SUFU: variants seen among roughly 807,000 people sequenced by gnomAD.
SUFU encodes suppressor of fused homolog.
A neutral mutation model predicts 58.9 loss-of-function variants in SUFU; 7 were observed. The observed-to-expected ratio is 0.12, with a 90% CI of 0.07 to 0.22. The LOEUF (loss-of-function observed/expected upper bound fraction) is 0.22. SUFU is among the 10% of genes least tolerant of loss of function. The pLI, the probability that SUFU is intolerant of heterozygous loss-of-function variation, is 1.00. For missense variants in SUFU, 451 were observed against 641.3 expected (o/e 0.70, Z 3.20); for synonymous variants, 232 against 254.8 (o/e 0.91, Z 0.85).
At chr10:102,507,808 C>G (rs574426461) in intron 1 of SUFU, among the ~76,000 whole-genome samples, 2 of 152,180 alleles carry the variant, frequency 1.3e-5, no homozygotes, top group Non-Finnish European at 2.9e-5. Context: ...TGTACTCCAT[C>G]GATGTCCCAG....
rs1447218130 is a variant in SUFU, at chr10:102,631,598, C to G, written c.*1443C>G. 4.3e-6 allele frequency: 1 copy of G among 233,494 alleles called. No homozygotes were observed. The highest frequency in any genetic ancestry group is 8.5e-6 in the Non-Finnish European group (1 of 118,312). 14.5% of individuals were successfully genotyped at this position (233,494 alleles called of 1,614,324 possible). A position where few individuals can be genotyped will look rare whatever the true frequency, so the allele number is the denominator to read the frequency against. ...GACAATGCAGGGCTCCTCATTGCTC[C>G]CATCTGCCTCTGCTGCACACACAGG... is the stretch of plus-strand genomic sequence containing the variant. On this transcript the variant is annotated 3_prime_UTR_variant, in exon 12 of 12. Transcript: ENST00000369902.
chr10:102,573,049 C>T lies in SUFU; in HGVS notation c.455-19533C>T, dbSNP rs771400256. 16 of 838,810 alleles carry T rather than the reference C, an allele frequency of 1.9e-5. No individual in the cohort carries two copies. In the Middle Eastern group the frequency reaches 1.1e-3, roughly 56 times the overall value. The allele number at this position is 838,810 out of a possible 1,614,324, so 52.0% of individuals were successfully genotyped here. On this transcript the variant is annotated intron_variant, in intron 3 of 11. Transcript: ENST00000369902. ...CTCCGGGGTTGGTCTTCTGAGGGTA[C>T]TTGGGCTGCCTCCAGAATCGCAGTG...
intron 2 of SUFU, among the ~76,000 whole-genome samples, chr10:102,530,016 A>G (rs2062658740): frequency 6.6e-6 from 1 of 152,140 alleles, no homozygotes; most frequent in African/African-American, 2.4e-5. Flanking sequence ...TAGGTGCCAG[A>G]CACTGTGCTG....
intron 8 of SUFU, among the ~76,000 whole-genome samples, chr10:102,609,900 CA>C (rs1156739648): frequency 6.6e-6 from 1 of 152,188 alleles, no homozygotes; most frequent in Non-Finnish European, 1.5e-5. Context: ...GTGTCACTCT[CA>C]GTGAAAATTC....
chr10:102,597,017 T>G, intron 6 of SUFU, 123 bp from the exon 7 acceptor site: 1 of 1,172,306 alleles, frequency 8.5e-7, no homozygotes, highest in Non-Finnish European at 1.3e-6. Flanking sequence ...CTCTCCAGCA[T>G]TTGTCCCATG....
intron 3 of SUFU, among the ~76,000 whole-genome samples, chr10:102,561,005 G>T (rs1427684584): frequency 6.6e-6 from 1 of 151,938 alleles, no homozygotes; most frequent in Admixed American, 6.6e-5. Flanking sequence ...CACCACACCC[G>T]GCTAATTTTG....
chr10:102,524,905 C>T (rs564541478), intron 2 of SUFU, among the ~76,000 whole-genome samples: 1 of 152,278 alleles, frequency 6.6e-6, no homozygotes, highest in South Asian at 2.1e-4. Flanking sequence ...AAAATATTCT[C>T]ACCACTGGAG....
At chr10:102,583,610 A>G (rs1283654633) in intron 3 of SUFU, among the ~76,000 whole-genome samples, 1 of 152,230 alleles carries the variant, frequency 6.6e-6, no homozygotes, top group East Asian at 1.9e-4. Context: ...GGTTAATAAA[A>G]GGTCAAAGGT....
intron 5 of SUFU, 55 bp downstream of exon 5, chr10:102,593,776 C>G: frequency 6.5e-7 from 1 of 1,542,294 alleles, no homozygotes; most frequent in Non-Finnish European, 8.9e-7. Context: ...GGTGGGAGTC[C>G]CTCCACTACC....
Position 102,594,046 on chromosome 10 carries a change from A to G in SUFU, c.737A>G (p.Glu246Gly). The change falls in exon 6 of 12, where the codon GAG becomes GGG. Residue 246 changes from glutamate (E) to glycine (G), a missense_variant. Glu to Gly is a moderately conservative substitution (Grantham distance 98). Transcript: ENST00000369902. ...TDMRRGETIF[E>G]IDPHLQERVD... ...ATGCGGAGGGGAGAGACCATATTTG[A>G]GATCGATCCACACCTGCAAGTATGT... The G allele has an allele frequency of 6.2e-7, 1 of 1,614,000 alleles. No homozygotes were observed. Among genetic ancestry groups the G allele is most frequent in the Non-Finnish European group, 8.5e-7 (1 of 1,179,972 alleles).
chr10:102,536,442 C>A (rs1167941598), intron 2 of SUFU, among the ~76,000 whole-genome samples: 2 of 146,942 alleles, frequency 1.4e-5, no homozygotes, highest in Admixed American at 1.4e-4. Flanking sequence ...CGGCGCACTG[C>A]AACCTCCGCC....
intron 2 of SUFU, among the ~76,000 whole-genome samples, chr10:102,545,291 G>GTTT (rs1424366245): frequency 1.1e-5 from 1 of 87,384 alleles, no homozygotes; most frequent in Non-Finnish European, 2.4e-5. Flanking sequence ...GCTAATTTTT[G>GTTT]TATTTTTTTT....
Position 102,550,031 on chromosome 10 carries a change from G to A in SUFU, c.379G>A (p.Glu127Lys), listed in dbSNP as rs1280071055. The A allele has an allele frequency of 6.2e-7, 1 of 1,614,218 alleles. No individual in the cohort carries two copies. Among genetic ancestry groups the A allele is most frequent in the Non-Finnish European group, 8.5e-7 (1 of 1,180,044 alleles). Residue 127 changes from glutamate (E) to lysine (K), a missense_variant, in exon 3 of 12, where the codon GAA (glutamate) becomes AAA (lysine). Transcript: ENST00000369902. ...GFELTFRLKRETGESAPPTWP... is the reference protein window; with the variant it reads ...GFELTFRLKRKTGESAPPTWP... ...TGAGTTGACCTTTCGTCTGAAGAGA[G>A]AAACTGGGGAGTCTGCCCCACCAAC... is the stretch of plus-strand genomic sequence containing the variant.
At chr10:102,574,095 T>C (rs1207784974) in intron 3 of SUFU, among the ~76,000 whole-genome samples, 1 of 152,196 alleles carries the variant, frequency 6.6e-6, no homozygotes, top group Non-Finnish European at 1.5e-5. Context: ...AAGCAAGTTA[T>C]AGGTCTCGCC....
intron 2 of SUFU, among the ~76,000 whole-genome samples, chr10:102,528,892 T>C (rs1374333820): frequency 3.3e-5 from 5 of 151,944 alleles, no homozygotes; most frequent in Admixed American, 1.3e-4. Context: ...GCTGCTGCAC[T>C]GTAGCCTTAT....
intron 8 of SUFU, among the ~76,000 whole-genome samples, chr10:102,612,075 C>A (rs751714941): frequency 3.9e-5 from 6 of 152,178 alleles, no homozygotes; most frequent in Non-Finnish European, 7.3e-5. Flanking sequence ...AAACCTGTGT[C>A]GGCTGCAGAT....
chr10:102,566,185 G>T (rs117283737), intron 3 of SUFU, among the ~76,000 whole-genome samples: 2 of 152,192 alleles, frequency 1.3e-5, no homozygotes, highest in Non-Finnish European at 2.9e-5. Flanking sequence ...GGTTGCCTGG[G>T]TTCAAATCCT....
chr10:102,504,492 G>A (rs2062297447), intron 1 of SUFU, among the ~76,000 whole-genome samples, 158 bp downstream of exon 1: 1 of 152,130 alleles, frequency 6.6e-6, no homozygotes, highest in Non-Finnish European at 1.5e-5. Context: ...TAAGGCTCAA[G>A]TTGGGAATGG....
intron 8 of SUFU, among the ~76,000 whole-genome samples, chr10:102,602,786 A>G (rs2063526105): frequency 6.6e-6 from 1 of 152,248 alleles, no homozygotes; most frequent in East Asian, 1.9e-4. Flanking sequence ...GCCTTCCCGG[A>G]AGGAGAGTCC....
Sources: allele counts gnomAD v4.1 joint callset (sites outside exome capture counted in the v4.1 genomes callset), GRCh38; gene constraint gnomAD v4.1.1; transcripts MANE v1.5; gene names NCBI Gene and HGNC (gene_info 2026-07-23, HGNC 2026-07-21).